Variants in NKAIN2 observed in about 807,000 individuals in gnomAD.
The protein encoded by NKAIN2 is sodium/potassium-transporting ATPase subunit beta-1-interacting protein 2.
A neutral mutation model predicts 32.6 loss-of-function variants in NKAIN2; 14 were observed. The ratio of observed to expected loss-of-function variants is 0.43; its 90% CI spans 0.28 to 0.67. The LOEUF is 0.67. Ranked by LOEUF, NKAIN2 falls within the 30% of genes least tolerant of loss-of-function variation. The probability of loss-of-function intolerance (pLI) is 0.17; values close to 1 mark genes in which losing one functional copy is unlikely to be tolerated. For missense variants in NKAIN2, 198 were observed against 258.3 expected, an observed-to-expected ratio of 0.77 and a Z score of 1.60; for synonymous variants, 80 against 87.2, an observed-to-expected ratio of 0.92 and a Z score of 0.46.
chr6:124,742,432 G>T (rs144596737), intron 4 of NKAIN2, among the ~76,000 whole-genome samples: 341 of 151,684 alleles, frequency 2.2e-3, no homozygotes, highest in African/African-American at 7.5e-3. Flanking sequence ...TGGACTCTGG[G>T]CCTTATACCA....
intron 1 of NKAIN2, among the ~76,000 whole-genome samples, chr6:124,255,234 A>G (rs1459844993): frequency 2.0e-5 from 3 of 152,230 alleles, no homozygotes; most frequent in South Asian, 4.1e-4. Flanking sequence ...GGTTGGCCCC[A>G]TCTTGTGTAC....
intron 4 of NKAIN2, among the ~76,000 whole-genome samples, chr6:124,784,392 C>T (rs1229816399): frequency 6.6e-6 from 1 of 152,074 alleles, no homozygotes; most frequent in South Asian, 2.1e-4. Flanking sequence ...TTCTAACCCA[C>T]CCCCCTTAGT....
At chr6:123,936,206 G>A (rs114255285) in intron 1 of NKAIN2, among the ~76,000 whole-genome samples, 171 of 152,208 alleles carry the variant, frequency 1.1e-3, no homozygotes, top group African/African-American at 3.9e-3. Flanking sequence ...ATTGTGCATC[G>A]CACACATTGG....
At chr6:124,579,779 T>C (rs955462981) in intron 3 of NKAIN2, among the ~76,000 whole-genome samples, 2 of 152,122 alleles carry the variant, frequency 1.3e-5, no homozygotes, top group African/African-American at 4.8e-5. Context: ...TTAAGACATT[T>C]AATAATCAAA....
chr6:124,515,510 C>T (rs1306390460), intron 3 of NKAIN2, among the ~76,000 whole-genome samples: 3 of 151,880 alleles, frequency 2.0e-5, no homozygotes, highest in Non-Finnish European at 2.9e-5. Context: ...AACCAACTCT[C>T]GGATGATTCA....
At chr6:124,205,044 T>G (rs1790792871) in intron 1 of NKAIN2, among the ~76,000 whole-genome samples, 1 of 151,684 alleles carries the variant, frequency 6.6e-6, no homozygotes, top group African/African-American at 2.4e-5. Flanking sequence ...CATTGATACA[T>G]TATAGACAAC....
intron 1 of NKAIN2, among the ~76,000 whole-genome samples, chr6:124,273,439 A>T (rs566047326): frequency 6.4e-4 from 97 of 152,316 alleles, no homozygotes; most frequent in Non-Finnish European, 1.1e-3. Flanking sequence ...GGCCTCCCAG[A>T]CATGCAGAAT....
chr6:124,108,036 A>C (rs531786357), intron 1 of NKAIN2, among the ~76,000 whole-genome samples: 2 of 152,212 alleles, frequency 1.3e-5, no homozygotes, highest in South Asian at 4.1e-4. Flanking sequence ...CTTTTGGATA[A>C]ATGCCTAGAA....
intron 3 of NKAIN2, among the ~76,000 whole-genome samples, chr6:124,437,141 A>G (rs536926625): frequency 6.6e-6 from 1 of 152,328 alleles, no homozygotes; most frequent in South Asian, 2.1e-4. Context: ...CTGTCAGTCC[A>G]GGTGGCTCTG....
chr6:124,052,461 A>G (rs955643180), intron 1 of NKAIN2, among the ~76,000 whole-genome samples: 1 of 152,076 alleles, frequency 6.6e-6, no homozygotes, highest in African/African-American at 2.4e-5. Flanking sequence ...CCTCGAATTT[A>G]CAAGAAAGTC....
chr6:124,294,735 G>T (rs1049435300), intron 2 of NKAIN2, among the ~76,000 whole-genome samples: 12 of 151,930 alleles, frequency 7.9e-5, no homozygotes, highest in African/African-American at 2.9e-4. Flanking sequence ...CATTTTCCTG[G>T]TCATCTCTGT....
chr6:124,469,658 C>T (rs537145555), intron 3 of NKAIN2, among the ~76,000 whole-genome samples: 1 of 152,274 alleles, frequency 6.6e-6, no homozygotes, highest in East Asian at 1.9e-4. Flanking sequence ...AAAATTCACA[C>T]TCCATCTAAA....
intron 1 of NKAIN2, among the ~76,000 whole-genome samples, chr6:124,074,320 T>G (rs1483402984): frequency 6.6e-6 from 1 of 151,844 alleles, no homozygotes. Context: ...TATATTATTT[T>G]GTTCGTAAAA....
intron 1 of NKAIN2, among the ~76,000 whole-genome samples, chr6:124,017,239 C>A (rs1361988259): frequency 6.6e-6 from 1 of 152,014 alleles, no homozygotes; most frequent in Non-Finnish European, 1.5e-5. Flanking sequence ...ATGGGAAAGA[C>A]CCGCCCCCGT....
At chr6:124,685,896 C>T (rs1312717931) in intron 4 of NKAIN2, among the ~76,000 whole-genome samples, 2 of 152,184 alleles carry the variant, frequency 1.3e-5, no homozygotes, top group Non-Finnish European at 2.9e-5. Flanking sequence ...GTCACAGTTT[C>T]TATGGAAAAG....
At chr6:124,686,083 T>C (rs1277956875) in intron 4 of NKAIN2, among the ~76,000 whole-genome samples, 1 of 152,114 alleles carries the variant, frequency 6.6e-6, no homozygotes, top group Non-Finnish European at 1.5e-5. Context: ...CTGGGGGCTT[T>C]GGTTTCTGGT....
chr6:123,893,105 A>G (rs1348558051), intron 1 of NKAIN2, among the ~76,000 whole-genome samples: 2 of 152,090 alleles, frequency 1.3e-5, no homozygotes, highest in Non-Finnish European at 2.9e-5. Context: ...ACTGAAACTC[A>G]TTAATATAGG....
chr6:123,814,861 G>A lies in NKAIN2; in HGVS notation c.54+10607G>A, dbSNP rs575702982. Among the ~76,000 whole-genome samples, 3 of 152,320 alleles carry A rather than the reference G, an allele frequency of 2.0e-5. No individual in the cohort carries two copies. In the South Asian group the frequency reaches 6.2e-4, roughly 32 times the overall value. The stretch of plus-strand genomic sequence containing the variant: ...GTGCAGGCCCTGCCCTGGATGTTGG[G>A]AGCCGAAGACCCTGGAAAACATTTG... On this transcript the variant is annotated intron_variant, in intron 1 of 6. Transcript: ENST00000368417.
At chr6:124,449,251 C>A (rs554962869) in intron 3 of NKAIN2, among the ~76,000 whole-genome samples, 102 of 151,896 alleles carry the variant, frequency 6.7e-4, no homozygotes, top group Non-Finnish European at 1.3e-3. Context: ...CTAAAATAGA[C>A]CTTAATCTGA....
Sources: gnomAD v4.1 joint callset for allele counts (sites outside exome capture counted in the v4.1 genomes callset) on GRCh38, gnomAD v4.1.1 for gene constraint, MANE v1.5 for transcripts, NCBI Gene and HGNC (gene_info 2026-07-23, HGNC 2026-07-21) for gene names.